Variants in BTBD10 observed in about 807,000 individuals in gnomAD.
The protein encoded by BTBD10 is BTB/POZ domain-containing protein 10.
A neutral mutation model predicts 53.2 loss-of-function variants in BTBD10; 21 were observed. The ratio of observed to expected loss-of-function variants is 0.39; its 90% CI spans 0.28 to 0.57. BTBD10 has a LOEUF of 0.57. BTBD10 is among the 20% of genes least tolerant of loss of function. BTBD10 has a pLI of 0.53. For synonymous variants in BTBD10, 149 were observed against 192.7 expected (o/e 0.77, Z 1.88); for missense variants, 360 against 594.7 (o/e 0.61, Z 4.10).
intron 5 of BTBD10, among the ~76,000 whole-genome samples, chr11:13,415,302 G>A (rs757547952): frequency 2.0e-5 from 3 of 152,016 alleles, no homozygotes; most frequent in Non-Finnish European, 2.9e-5. Context: ...GGCTATATGA[G>A]CAAACAGCAA....
intron 2 of BTBD10, among the ~76,000 whole-genome samples, chr11:13,437,853 G>C (rs772791894): frequency 6.6e-6 from 1 of 152,008 alleles, no homozygotes; most frequent in Non-Finnish European, 1.5e-5. Flanking sequence ...TTTATTCTCA[G>C]AAAACCTTCA....
At chr11:13,459,845 CT>C (rs1208822374) in intron 1 of BTBD10, 2 of 152,318 alleles carry the variant, frequency 1.3e-5, no homozygotes, top group East Asian at 3.9e-4. Context: ...TTAGCCTCCC[CT>C]GATCCTCCTT....
intron 8 of BTBD10, among the ~76,000 whole-genome samples, chr11:13,395,480 C>G (rs962229316): frequency 6.6e-6 from 1 of 152,108 alleles, no homozygotes; most frequent in African/African-American, 2.4e-5. Flanking sequence ...TTTCTCCCAT[C>G]CTGTAGGTTG....
intron 1 of BTBD10, among the ~76,000 whole-genome samples, chr11:13,449,149 G>A (rs951908051): frequency 6.6e-6 from 1 of 152,020 alleles, no homozygotes; most frequent in Non-Finnish European, 1.5e-5. Flanking sequence ...GAATCTTCAA[G>A]ACTATAGTAA....
intron 1 of BTBD10, among the ~76,000 whole-genome samples, chr11:13,461,464 TGTGA>T (rs1471602221): frequency 1.3e-5 from 2 of 152,164 alleles, no homozygotes; most frequent in Admixed American, 1.3e-4. Context: ...CCCGAAGGCA[TGTGA>T]GTTTGTTGCT....
chr11:13,406,093 A>G (rs1949819622), intron 6 of BTBD10, among the ~76,000 whole-genome samples: 1 of 152,154 alleles, frequency 6.6e-6, no homozygotes. Context: ...AGTATACACA[A>G]TATGTCTTAA....
At chr11:13,408,984 A>C (rs1051501172) in intron 6 of BTBD10, among the ~76,000 whole-genome samples, 3 of 152,226 alleles carry the variant, frequency 2.0e-5, no homozygotes, top group Admixed American at 1.3e-4. Context: ...ATGAAATGGT[A>C]CAATGTGACA....
At position 13,429,341 on chromosome 11, in the gene BTBD10, AT is replaced by A. The variant is rs572805771; in HGVS notation, c.102-7504del. The stretch of plus-strand genomic sequence containing the variant: ...CAAATGACCTAGAATAGCCTAAATA[AT>A]TTTTTTAAAAGAACAGTTGGAAGAC... On this transcript the variant is annotated intron_variant, in intron 2 of 8. Transcript: ENST00000278174. Among the ~76,000 whole-genome samples the A allele has an allele frequency of 2.3e-3, 356 of 152,230 alleles. 2 individuals carry two copies. The highest frequency in any genetic ancestry group is 8.2e-3 in the African/African-American group (341 of 41,546).
intron 2 of BTBD10, among the ~76,000 whole-genome samples, chr11:13,438,749 G>A (rs971677972): frequency 1.3e-5 from 2 of 151,168 alleles, no homozygotes; most frequent in Non-Finnish European, 3.0e-5. Flanking sequence ...GTTTTTCTGG[G>A]CTTACCAAAT....
intron 1 of BTBD10, among the ~76,000 whole-genome samples, chr11:13,456,021 A>T (rs1298078350): frequency 6.6e-6 from 1 of 152,182 alleles, no homozygotes; most frequent in Non-Finnish European, 1.5e-5. Flanking sequence ...GTGATAATGG[A>T]AATGTTCTAC....
At chr11:13,421,107 A>G (rs1388387301) in intron 3 of BTBD10, among the ~76,000 whole-genome samples, 1 of 55,846 alleles carries the variant, frequency 1.8e-5, no homozygotes, top group Admixed American at 1.8e-4. Context: ...TTTTATAGTT[A>G]TATGTGTTCA....
At chr11:13,416,348 T>C (rs1950109877) in intron 5 of BTBD10, among the ~76,000 whole-genome samples, 1 of 151,884 alleles carries the variant, frequency 6.6e-6, no homozygotes, top group South Asian at 2.1e-4. Flanking sequence ...AGTGAGACCC[T>C]GTCTGGGGCA....
Sources: gnomAD v4.1 joint callset for allele counts (sites outside exome capture counted in the v4.1 genomes callset) on GRCh38, gnomAD v4.1.1 for gene constraint, MANE v1.5 for transcripts, NCBI Gene and HGNC (gene_info 2026-07-23, HGNC 2026-07-21) for gene names.